The following S1PR3 variants were observed in gnomAD, a reference collection of about 807,000 sequenced individuals.
S1PR3 encodes sphingosine-1-phosphate receptor 3.
S1PR3 carries 12 observed loss-of-function variants against 13.3 expected under a neutral mutation model. The observed-to-expected ratio is 0.90, with a 90% CI of 0.58 to 1.46. The LOEUF (loss-of-function observed/expected upper bound fraction) is 1.46. Ranked by LOEUF, S1PR3 falls within the 40% of genes most tolerant of loss-of-function variation. S1PR3 has a pLI of 0.00. For missense variants in S1PR3, 450 were observed against 501.9 expected, an observed-to-expected ratio of 0.90 and a Z score of 0.99; for synonymous variants, 232 against 214.0, an observed-to-expected ratio of 1.08 and a Z score of -0.73.
upstream of S1PR3, chr9:88,991,154 C>G: frequency 6.2e-7 from 1 of 1,609,952 alleles, no homozygotes. This position sits in a 1 kb window ranked among gnomAD's most constrained non-coding sequence, Gnocchi z 4.0. Context: ...CGCCCGGTTT[C>G]TGCACCTGGA....
chr9:88,991,369 G>C (rs1825697144), upstream of S1PR3: 5 of 1,128,638 alleles, frequency 4.4e-6, no homozygotes, highest in Non-Finnish European at 5.1e-6. The surrounding 1 kb of genome is among the most constrained non-coding windows in gnomAD (Gnocchi z 4.0). Context: ...GAGGGGGGCG[G>C]GGAGAGGGGC....
chr9:88,993,108 A>C (rs920283065), intron 1 of S1PR3: 3 of 147,448 alleles, frequency 2.0e-5, no homozygotes, highest in African/African-American at 7.7e-5. Context: ...ATTCAAATGC[A>C]TGAGTCTCTG....
At position 89,003,164 on chromosome 9, in the gene S1PR3, G is replaced by A. The variant is rs1564065428; in HGVS notation, c.*827G>A. The A allele has an allele frequency of 6.0e-6, 1 of 167,102 alleles. No homozygotes were observed. The highest frequency in any genetic ancestry group is 1.9e-4 in the East Asian group (1 of 5,206). The allele number at this position is 167,102 out of a possible 1,614,324, so 10.4% of individuals were successfully genotyped here. ...TGCCCCCAGATGGGCCAAAGAAAGA[G>A]CCTATGAAGGAGAAGCAGAAGCAGA... On this transcript the variant is annotated 3_prime_UTR_variant, in exon 2 of 2. Coordinates refer to ENST00000358157, the MANE Select transcript of S1PR3 (RefSeq NM_005226.4).
intron 1 of S1PR3, chr9:88,994,248 C>G (rs1825769539): frequency 6.0e-6 from 1 of 167,438 alleles, no homozygotes; most frequent in African/African-American, 2.4e-5. Flanking sequence ...CCTCCCCCAG[C>G]CTCGGTCTCC....
Position 89,002,002 on chromosome 9 carries a change from G to C in S1PR3, c.802G>C (p.Ala268Pro). The C allele has an allele frequency of 6.2e-7, 1 of 1,614,068 alleles. No individual in the cohort carries two copies. The highest frequency in any genetic ancestry group is 8.5e-7 in the Non-Finnish European group (1 of 1,180,012). The stretch of plus-strand genomic sequence containing the variant: ...CTTCATCCTCTTCCTCATTGATGTG[G>C]CCTGCAGGGTGCAGGCGTGCCCCAT... ...PLFILFLIDV[A>P]CRVQACPILF... is the part of the protein sequence containing the mutation. Residue 268 changes from alanine to proline, a missense_variant, in exon 2 of 2, where the codon GCC (alanine) becomes CCC (proline). By Grantham distance (27) the Ala-to-Pro change is conservative. Coordinates refer to ENST00000358157, the MANE Select transcript of S1PR3 (RefSeq NM_005226.4).
Position 89,002,648 on chromosome 9 carries a change from A to C in S1PR3, c.*311A>C. ...GAGAGGGAAGGTCGTGGGCCACACA[A>C]TGCTGTGTGACCCTCTCCGTGTGCC... is the stretch of plus-strand genomic sequence containing the variant. On this transcript the variant is annotated 3_prime_UTR_variant, in exon 2 of 2. Coordinates refer to ENST00000358157, the MANE Select transcript of S1PR3 (RefSeq NM_005226.4). The C allele has an allele frequency of 3.6e-5, 15 of 419,604 alleles. No individual in the cohort carries two copies. Among genetic ancestry groups the C allele is most frequent in the Middle Eastern group, 6.7e-4 (1 of 1,482 alleles). 26.0% of individuals were successfully genotyped at this position (419,604 alleles called of 1,614,324 possible). A position where few individuals can be genotyped will look rare whatever the true frequency, so the allele number is the denominator to read the frequency against.
Position 89,002,448 on chromosome 9 carries a change from C to A in S1PR3, c.*111C>A. On this transcript the variant is annotated 3_prime_UTR_variant, in exon 2 of 2. Transcript: ENST00000358157. ...GGGAGAGCTACCTTACTTTGACCAA[C>A]AGCCTGCCCAGTGTGGATGTCTCTT... 7.7e-7 allele frequency: 1 copy of A among 1,291,828 alleles called. No individual in the cohort carries two copies. The highest frequency in any genetic ancestry group is 1.1e-6 in the Non-Finnish European group (1 of 934,862). The allele number at this position is 1,291,828 out of a possible 1,614,324, so 80.0% of individuals were successfully genotyped here. A position where few individuals can be genotyped will look rare whatever the true frequency, so the allele number is the denominator to read the frequency against.
Position 89,001,071 on chromosome 9 carries a change from C to G in S1PR3, c.-130C>G. 2.8e-6 allele frequency: 3 copies of G among 1,076,984 alleles called. No homozygotes were observed. The highest frequency in any genetic ancestry group is 4.0e-6 in the Non-Finnish European group (3 of 746,266). 66.7% of individuals were successfully genotyped at this position (1,076,984 alleles called of 1,614,324 possible). ...GTTGGCAGGAGCCCTTTTTCAACGC[C>G]CTCGCTGGAGTCTGGCCTGCACGCC... On this transcript the variant is annotated 5_prime_UTR_variant, in exon 2 of 2. Coordinates refer to ENST00000358157, the MANE Select transcript of S1PR3 (RefSeq NM_005226.4).
chr9:89,001,801 A>C lies in S1PR3; in HGVS notation c.601A>C (p.Ile201Leu). The C allele has an allele frequency of 1.2e-6, 2 of 1,614,198 alleles. No individual in the cohort carries two copies. Among genetic ancestry groups the C allele is most frequent in the Non-Finnish European group, 1.7e-6 (2 of 1,180,032 alleles). ...CTCCAAGAAGTACATTGCCTTCTGC[A>C]TCAGCATCTTCACGGCCATCCTGGT... Reference protein sequence around the residue: ...LYSKKYIAFCISIFTAILVTI... With the variant: ...LYSKKYIAFCLSIFTAILVTI... Residue 201 changes from isoleucine (I) to leucine (L), a missense_variant, in exon 2 of 2, where the codon ATC becomes CTC. Transcript: ENST00000358157.
rs760866429 is a variant in S1PR3 at position 89,001,671 on chromosome 9, G to T, written c.471G>T (p.Leu157=). Reference sequence around the variant, plus strand: ...ACAAGAGGCACCGCGTCTTCCTCCTGATCGGGATGTGCTGGCTCATTGCCT... The same window carrying T: ...ACAAGAGGCACCGCGTCTTCCTCCTTATCGGGATGTGCTGGCTCATTGCCT... ...DANKRHRVFL[L]IGMCWLIAFT... Residue 157 remains leucine (L), a synonymous_variant, in exon 2 of 2, where the codon CTG becomes CTT. Transcript: ENST00000358157. 6.2e-7 allele frequency: 1 copy of T among 1,614,210 alleles called. No individual in the cohort carries two copies. Among genetic ancestry groups the T allele is most frequent in the Non-Finnish European group, 8.5e-7 (1 of 1,180,046 alleles).
Position 89,002,234 on chromosome 9 carries a change from G to A in S1PR3, c.1034G>A (p.Ser345Asn). 6.2e-7 allele frequency: 1 copy of A among 1,613,272 alleles called. No homozygotes were observed. Among genetic ancestry groups the A allele is most frequent in the South Asian group, 1.1e-5 (1 of 91,076 alleles). Reference sequence around the variant, plus strand: ...AGTAAATCAAGCAGCAGCAACAATAGCAGCCACTCTCCGAAGGTCAAGGAA... The same window carrying A: ...AGTAAATCAAGCAGCAGCAACAATAACAGCCACTCTCCGAAGGTCAAGGAA... ...SRSKSSSSNN[S>N]SHSPKVKEDL... Residue 345 changes from serine to asparagine, a missense_variant, in exon 2 of 2, where the codon AGC (serine) becomes AAC (asparagine). Physicochemically the swap from Ser to Asn is conservative, Grantham distance 46 (BLOSUM62 1). Coordinates refer to ENST00000358157, the MANE Select transcript of S1PR3 (RefSeq NM_005226.4).
intron 1 of S1PR3, chr9:88,998,076 CAT>C (rs1170262665): frequency 6.6e-6 from 1 of 152,200 alleles, no homozygotes; most frequent in East Asian, 1.9e-4. Flanking sequence ...GGGCATAGCA[CAT>C]GTGTCCCTGA....
chr9:88,991,584 A>G lies in S1PR3; in HGVS notation c.-259A>G. The G allele has an allele frequency of 6.5e-7, 1 of 1,544,450 alleles. No homozygotes were observed. The highest frequency in any genetic ancestry group is 8.7e-7 in the Non-Finnish European group (1 of 1,145,112). On this transcript the variant is annotated 5_prime_UTR_variant, in exon 1 of 2. Transcript: ENST00000358157. The surrounding 1 kb of genome is among the most constrained non-coding windows in gnomAD (Gnocchi z 4.0). ...CGGGAACGACGTCGCGAGCGCTGAG[A>G]CTGCCGGGCCTCCCAGCCCATCTGG...
At chr9:88,998,697 G>T (rs1464672404) in intron 1 of S1PR3, 1 of 152,226 alleles carries the variant, frequency 6.6e-6, no homozygotes, top group East Asian at 1.9e-4. Context: ...GAAGTGGCAT[G>T]CAGCCTCAGA....
chr9:89,001,607 G>T lies in S1PR3; in HGVS notation c.407G>T (p.Arg136Leu). The change falls in exon 2 of 2, where the codon CGG (arginine) becomes CTG (leucine). Residue 136 changes from arginine to leucine, a missense_variant. Transcript: ENST00000358157. ...TCSLLAIAIERHLTMIKMRPY... is the reference protein window; with the variant it reads ...TCSLLAIAIELHLTMIKMRPY... The stretch of plus-strand genomic sequence containing the variant: ...AGCTTACTGGCCATCGCCATCGAGC[G>T]GCACTTGACAATGATCAAAATGAGG... 6.2e-7 allele frequency: 1 copy of T among 1,614,188 alleles called. No individual in the cohort carries two copies. Among genetic ancestry groups the T allele is most frequent in the Non-Finnish European group, 8.5e-7 (1 of 1,180,038 alleles).
chr9:88,991,500 A>C lies in S1PR3; in HGVS notation c.-343A>C. ...GAGGAAGCCGGTTCCGGGGACGGGC[A>C]ACAGGGACTCAGGGACCAGAAGGCG... On this transcript the variant is annotated 5_prime_UTR_variant, in exon 1 of 2. Coordinates refer to ENST00000358157, the MANE Select transcript of S1PR3 (RefSeq NM_005226.4). The surrounding 1 kb of genome is among the most constrained non-coding windows in gnomAD (Gnocchi z 4.0). The C allele has an allele frequency of 6.5e-7, 1 of 1,548,076 alleles. No individual in the cohort carries two copies. The highest frequency in any genetic ancestry group is 8.7e-7 in the Non-Finnish European group (1 of 1,146,014).
At chr9:88,998,692 G>A (rs543069251) in intron 1 of S1PR3, 1 of 152,302 alleles carries the variant, frequency 6.6e-6, no homozygotes, top group African/African-American at 2.4e-5. Context: ...TTTCAGAAGT[G>A]GCATGCAGCC....
rs1465801542 is a variant in S1PR3, at chr9:89,001,526, CG to C, written c.328del (p.Val110SerfsTer29). On this transcript the variant is annotated frameshift_variant, in exon 2 of 2. Transcript: ENST00000358157. LOFTEE classifies it high-confidence loss of function. ...SGKKTFSLSP[T>X]VWFLREGSMF... ...AAGAAGACGTTCAGCCTGTCTCCCACGGTCTGGTTCCTCAGGGAGGGCAGTA... is the reference window on the plus strand; with the variant it reads ...AAGAAGACGTTCAGCCTGTCTCCCACGTCTGGTTCCTCAGGGAGGGCAGTA... The C allele has an allele frequency of 1.2e-6, 2 of 1,614,140 alleles. No homozygotes were observed. The highest frequency in any genetic ancestry group is 4.5e-5 in the East Asian group (2 of 44,892).
rs1825896240 is a variant in S1PR3 at position 89,003,473 on chromosome 9, C to A, written c.*1136C>A. The A allele has an allele frequency of 6.0e-6, 1 of 167,096 alleles. No individual in the cohort carries two copies. 10.4% of individuals were successfully genotyped at this position (167,096 alleles called of 1,614,324 possible). A position where few individuals can be genotyped will look rare whatever the true frequency, so the allele number is the denominator to read the frequency against. The stretch of plus-strand genomic sequence containing the variant: ...AGAAAATGTGATCTGGCAGTTTATG[C>A]ATTCTTCAGAGTAATGTAATAATAC... On this transcript the variant is annotated 3_prime_UTR_variant, in exon 2 of 2. Transcript: ENST00000358157.
Sources: gnomAD v4.1 joint callset for allele counts on GRCh38, gnomAD v4.1.1 for gene constraint, Gnocchi (gnomAD v3.1) non-coding constraint, MANE v1.5 for transcripts, NCBI Gene and HGNC (gene_info 2026-07-23, HGNC 2026-07-21) for gene names.